Variants in SLC35A1 observed in about 807,000 individuals in gnomAD.
The protein encoded by SLC35A1 is solute carrier family 35 member A1, also known as CMP-sialic acid transporter.
SLC35A1 carries 21 observed loss-of-function variants against 40.3 expected under a neutral mutation model. That is an observed-to-expected ratio of 0.52 (90% CI 0.37 to 0.75). The LOEUF (loss-of-function observed/expected upper bound fraction) is 0.75, where lower values mean the gene tolerates loss of function less well. Among genes scored for constraint, SLC35A1 ranks in the 30% least tolerant of loss-of-function variants. The pLI is 0.00. For synonymous variants in SLC35A1, 146 were observed against 147.3 expected (o/e 0.99, Z 0.06); for missense variants, 297 against 382.1 (o/e 0.78, Z 1.86).
Position 87,502,067 on chromosome 6 carries a change from C to T in SLC35A1, c.507+757C>T, listed in dbSNP as rs1264833284. Among the ~76,000 whole-genome samples the T allele has an allele frequency of 5.3e-5, 8 of 152,088 alleles. No homozygotes were observed. In the East Asian group the frequency reaches 5.8e-4, roughly 11 times the overall value. Reference sequence around the variant, plus strand: ...CTATGGTTCTCTTAGGAATGGAAGGCGGCTGGGATGTACAGTGCTTGTGAA... The same window carrying T: ...CTATGGTTCTCTTAGGAATGGAAGGTGGCTGGGATGTACAGTGCTTGTGAA... On this transcript the variant is annotated intron_variant, in intron 4 of 7. Transcript: ENST00000369552.
At chr6:87,487,887 A>C (rs1432163105) in intron 2 of SLC35A1, among the ~76,000 whole-genome samples, 1 of 152,174 alleles carries the variant, frequency 6.6e-6, no homozygotes, top group East Asian at 1.9e-4. Context: ...ACCAGCATTG[A>C]TTTGGGGGTT....
In SLC35A1 at chr6:87,477,447, A is replaced by G; in HGVS notation, c.102A>G (p.Thr34=). 1 of 1,613,804 alleles carries G rather than the reference A, an allele frequency of 6.2e-7. No homozygotes were observed. The part of the protein sequence containing the change: ...AAVYTIALRY[T]RTSDKELYFS... ...TCTATACCATAGCTTTAAGATACAC[A>G]AGGACATCAGACAAAGAACTCTACT... Residue 34 remains threonine, a synonymous_variant, in exon 2 of 8, where the codon ACA becomes ACG. Coordinates refer to ENST00000369552, the MANE Select transcript of SLC35A1 (RefSeq NM_006416.5).
At chr6:87,501,110 CAG>C (rs1384918358) in intron 3 of SLC35A1, 46 bp from the exon 4 acceptor site, 4 of 1,439,252 alleles carry the variant, frequency 2.8e-6, no homozygotes, top group Non-Finnish European at 3.9e-6. Context: ...ATATTTGTAT[CAG>C]AGACTAACAT....
rs974495304 is a variant in SLC35A1 at position 87,473,312 on chromosome 6, C to G, written c.16+293C>G. 3.4e-4 allele frequency among the ~76,000 whole-genome samples: 51 copies of G among 152,024 alleles called. 1 individual carries two copies. The highest frequency in any genetic ancestry group is 1.1e-3 in the African/African-American group (44 of 41,388). The stretch of plus-strand genomic sequence containing the variant: ...GGAACCGAATTCTGACAGGCCGGGG[C>G]TGCGGCGGACCCGGAGAGAGGCCAG... On this transcript the variant is annotated intron_variant, in intron 1 of 7. Transcript: ENST00000369552.
intron 1 of SLC35A1, 114 bp from the exon 2 acceptor site, chr6:87,477,248 A>G: frequency 9.6e-7 from 1 of 1,037,146 alleles, no homozygotes; most frequent in Non-Finnish European, 1.4e-6. Flanking sequence ...CATGAGTTTT[A>G]GAAAATATTT....
chr6:87,491,737 C>T (rs1341050290), intron 2 of SLC35A1, among the ~76,000 whole-genome samples: 2 of 152,148 alleles, frequency 1.3e-5, no homozygotes, highest in African/African-American at 4.8e-5. Context: ...GATTAGGTGT[C>T]TGGTGAGGGC....
chr6:87,481,348 C>T (rs982886801), intron 2 of SLC35A1, among the ~76,000 whole-genome samples: 2 of 150,104 alleles, frequency 1.3e-5, no homozygotes, highest in African/African-American at 4.9e-5. Context: ...ACCTGGGAGG[C>T]GGAGGTTGTG....
In SLC35A1 at chr6:87,477,483, A is replaced by G; in HGVS notation, c.138A>G (p.Thr46=). The change falls in exon 2 of 8, where the codon ACA becomes ACG. Residue 46 remains threonine, a synonymous_variant. Coordinates refer to ENST00000369552, the MANE Select transcript of SLC35A1 (RefSeq NM_006416.5). ...TSDKELYFST[T]AVCITEVIKL... ...ACAAAGAACTCTACTTTTCAACCAC[A>G]GCCGTGTGTATCACAGAAGTTATAA... 6.2e-7 allele frequency: 1 copy of G among 1,614,142 alleles called. No individual in the cohort carries two copies. The highest frequency in any genetic ancestry group is 1.1e-5 in the South Asian group (1 of 91,086).
chr6:87,480,483 C>A (rs1397678985), intron 2 of SLC35A1, among the ~76,000 whole-genome samples: 2 of 152,078 alleles, frequency 1.3e-5, no homozygotes, highest in Non-Finnish European at 2.9e-5. Flanking sequence ...ATCTTTATAC[C>A]CTGTCAATAG....
At chr6:87,496,668 T>A (rs1769734772) in intron 2 of SLC35A1, among the ~76,000 whole-genome samples, 1 of 151,332 alleles carries the variant, frequency 6.6e-6, no homozygotes. Context: ...TACTCCCACT[T>A]ACTTGGGAGG....
chr6:87,490,926 GATT>G (rs1349236448), intron 2 of SLC35A1, among the ~76,000 whole-genome samples: 1 of 152,194 alleles, frequency 6.6e-6, no homozygotes, highest in Non-Finnish European at 1.5e-5. Flanking sequence ...CCTCCTTTAA[GATT>G]ATATTTGCTG....
At position 87,501,502 on chromosome 6, in the gene SLC35A1, G is replaced by A. The variant is rs77066039; in HGVS notation, c.507+192G>A. 9.2e-3 allele frequency among the ~76,000 whole-genome samples: 1,408 copies of A among 152,224 alleles called. 22 individuals carry two copies. The highest frequency in any genetic ancestry group is 0.032 in the African/African-American group (1,309 of 41,508). ...AATACTTATTGGTTGTTTCTCAGAG[G>A]AGAATATGCATAAAATATGTTACAG... On this transcript the variant is annotated intron_variant, in intron 4 of 7. Transcript: ENST00000369552.
intron 4 of SLC35A1, 57 bp from the exon 5 acceptor site, chr6:87,506,325 C>T (rs1285832348): frequency 7.3e-7 from 1 of 1,367,258 alleles, no homozygotes; most frequent in African/African-American, 1.4e-5. Flanking sequence ...TGTTTGGACT[C>T]TTGGATGAAC....
rs552906828 is a variant in SLC35A1 at position 87,483,492 on chromosome 6, C to CT, written c.194+5954dup. Among the ~76,000 whole-genome samples, 322 of 95,482 alleles carry CT rather than the reference C, an allele frequency of 3.4e-3. 1 individual carries two copies. The highest frequency in any genetic ancestry group is 0.016 in the African/African-American group (303 of 19,228). 62.6% of individuals were successfully genotyped at this position (95,482 alleles called of 152,430 possible). ...ATGTACCCCTATTGGGATTTTTCAC[C>CT]TCTTTTGAGGTTCAACCCCTCGTAA... On this transcript the variant is annotated intron_variant, in intron 2 of 7. Transcript: ENST00000369552.
chr6:87,498,593 A>G (rs1332614029), intron 2 of SLC35A1, among the ~76,000 whole-genome samples: 2 of 152,112 alleles, frequency 1.3e-5, no homozygotes, highest in Admixed American at 6.6e-5. Flanking sequence ...GCCAACATGG[A>G]AACCCCGTCT....
chr6:87,486,235 TG>T (rs1769385585), intron 2 of SLC35A1, among the ~76,000 whole-genome samples: 2 of 152,142 alleles, frequency 1.3e-5, no homozygotes, highest in South Asian at 4.2e-4. Context: ...GAGTGGGAGG[TG>T]GGGGCAGAAA....
intron 1 of SLC35A1, among the ~76,000 whole-genome samples, chr6:87,475,178 A>G (rs12524203): frequency 0.38 from 57,500 of 152,122 alleles, 10,924 homozygotes; most frequent in Admixed American, 0.46. Context: ...GAGCATGGCT[A>G]TGTTCTAATA....
Position 87,477,417 on chromosome 6 carries a change from T to G in SLC35A1, c.72T>G (p.Ala24=). ...LYCLAVMTLM[A]AVYTIALRYT... ...GCTTGGCAGTGATGACCCTGATGGC[T>G]GCAGTCTATACCATAGCTTTAAGAT... The change falls in exon 2 of 8, where the codon GCT becomes GCG. Residue 24 remains alanine, a synonymous_variant. Transcript: ENST00000369552. The G allele has an allele frequency of 1.9e-6, 3 of 1,613,940 alleles. No individual in the cohort carries two copies. The highest frequency in any genetic ancestry group is 2.5e-6 in the Non-Finnish European group (3 of 1,179,882).
chr6:87,504,246 A>AT (rs1770010544), intron 4 of SLC35A1, among the ~76,000 whole-genome samples: 1 of 151,172 alleles, frequency 6.6e-6, no homozygotes, highest in Admixed American at 6.6e-5. Flanking sequence ...AACCATGATT[A>AT]TACCACAAGA....
Sources: gnomAD v4.1 joint callset for allele counts (sites outside exome capture counted in the v4.1 genomes callset) on GRCh38, gnomAD v4.1.1 for gene constraint, MANE v1.5 for transcripts, NCBI Gene and HGNC (gene_info 2026-07-23, HGNC 2026-07-21) for gene names.